The following SUFU variants were observed in gnomAD, a reference collection of about 807,000 sequenced individuals.
The protein encoded by SUFU is suppressor of fused homolog.
In SUFU, 7 loss-of-function variants were observed where a neutral mutation model predicts 58.9. The observed-to-expected ratio is 0.12, with a 90% confidence interval of 0.07 to 0.22. The LOEUF (loss-of-function observed/expected upper bound fraction) is 0.22. Among genes scored for constraint, SUFU ranks in the 10% least tolerant of loss-of-function variants. The pLI is 1.00. For missense variants in SUFU, 451 were observed against 641.3 expected (o/e 0.70, Z 3.20); for synonymous variants, 232 against 254.8 (o/e 0.91, Z 0.85).
At chr10:102,562,772 T>C (rs1342294475) in intron 3 of SUFU, among the ~76,000 whole-genome samples, 1 of 150,880 alleles carries the variant, frequency 6.6e-6, no homozygotes, top group Non-Finnish European at 1.5e-5. Flanking sequence ...ATATCTGTAA[T>C]CCCAGCTACT....
rs1344296806 is a variant in SUFU at position 102,504,304 on chromosome 10, CG to C, written c.153del (p.Leu52SerfsTer44). The C allele has an allele frequency of 6.2e-7, 1 of 1,614,144 alleles. No homozygotes were observed. ...CRRLYPDQPN[P>X]LQVTAIVKYW... ...CGCCTTTACCCTGACCAGCCGAACC[CG>C]CTCCAGGTTACCGCTATCGTCAAGT... On this transcript the variant is annotated frameshift_variant, in exon 1 of 12. Coordinates refer to ENST00000369902, the MANE Select transcript of SUFU (RefSeq NM_016169.4). LOFTEE classifies it high-confidence loss of function.
chr10:102,604,882 A>G (rs2135902972), intron 8 of SUFU, among the ~76,000 whole-genome samples: 1 of 148,382 alleles, frequency 6.7e-6, no homozygotes, highest in African/African-American at 2.5e-5. Context: ...TTTCATGATC[A>G]CATTTTACCT....
intron 3 of SUFU, among the ~76,000 whole-genome samples, chr10:102,565,605 C>T (rs1401633302): frequency 6.6e-6 from 1 of 152,182 alleles, no homozygotes; most frequent in Non-Finnish European, 1.5e-5. Context: ...AGTGCAGTGG[C>T]GCGATCTCGG....
intron 2 of SUFU, among the ~76,000 whole-genome samples, chr10:102,543,916 C>T (rs929937984): frequency 6.6e-6 from 1 of 152,126 alleles, no homozygotes; most frequent in Non-Finnish European, 1.5e-5. Flanking sequence ...TGCCTCTGGT[C>T]ACACAGCCAT....
chr10:102,610,250 A>G (rs1590076776), intron 8 of SUFU, among the ~76,000 whole-genome samples: 1 of 151,832 alleles, frequency 6.6e-6, no homozygotes, highest in African/African-American at 2.4e-5. Context: ...AAAATTAGCC[A>G]GGTGTGGTGG....
intron 6 of SUFU, among the ~76,000 whole-genome samples, chr10:102,595,350 A>G (rs2063450302): frequency 1.3e-5 from 2 of 152,184 alleles, no homozygotes; most frequent in African/African-American, 4.8e-5. Flanking sequence ...TGAACATTTC[A>G]AACTGCTGCC....
intron 4 of SUFU, among the ~76,000 whole-genome samples, chr10:102,593,055 G>C (rs1297965213): frequency 2.0e-5 from 3 of 152,174 alleles, no homozygotes; most frequent in African/African-American, 7.2e-5. Context: ...GGTCGTCCTT[G>C]CTCTTTGCCA....
At chr10:102,592,805 T>G in intron 4 of SUFU, 81 bp downstream of exon 4, 1 of 1,530,742 alleles carries the variant, frequency 6.5e-7, no homozygotes, top group African/African-American at 1.4e-5. Context: ...GGAGGGGGAG[T>G]GAAGGGAGTG....
chr10:102,579,136 T>C (rs1262626926), intron 3 of SUFU, among the ~76,000 whole-genome samples: 1 of 152,196 alleles, frequency 6.6e-6, no homozygotes, highest in African/African-American at 2.4e-5. Flanking sequence ...CAGGTGGGCA[T>C]AGCATATATG....
intron 2 of SUFU, among the ~76,000 whole-genome samples, chr10:102,540,691 T>C (rs952585930): frequency 1.3e-5 from 2 of 150,548 alleles, no homozygotes; most frequent in African/African-American, 2.5e-5. Context: ...ACTATACCCG[T>C]GGCATTCATT....
chr10:102,577,528 A>G (rs984995608), intron 3 of SUFU, among the ~76,000 whole-genome samples: 9 of 152,094 alleles, frequency 5.9e-5, no homozygotes, highest in Non-Finnish European at 1.2e-4. Context: ...TTGCAGAGGC[A>G]GGGTTTTGCC....
At chr10:102,567,751 T>C (rs530605495) in intron 3 of SUFU, among the ~76,000 whole-genome samples, 1 of 152,208 alleles carries the variant, frequency 6.6e-6, no homozygotes, top group East Asian at 1.9e-4. Context: ...GAAACAGCAG[T>C]GGGGGTCCTT....
chr10:102,560,558 G>A (rs983485035), intron 3 of SUFU, among the ~76,000 whole-genome samples: 1 of 152,006 alleles, frequency 6.6e-6, no homozygotes, highest in Non-Finnish European at 1.5e-5. Context: ...ATGGGTGATA[G>A]AGCAAGACTC....
At chr10:102,627,615 C>T (rs1053546278) in intron 11 of SUFU, among the ~76,000 whole-genome samples, 1 of 152,248 alleles carries the variant, frequency 6.6e-6, no homozygotes, top group African/African-American at 2.4e-5. Context: ...CTGAACAGAA[C>T]GCCCATGTCT....
intron 2 of SUFU, among the ~76,000 whole-genome samples, chr10:102,512,412 A>G (rs985263983): frequency 6.6e-6 from 1 of 152,228 alleles, no homozygotes; most frequent in African/African-American, 2.4e-5. Flanking sequence ...ATCATTTCCT[A>G]TGTGGCTTAA....
chr10:102,610,374 C>T (rs1438517182), intron 8 of SUFU, among the ~76,000 whole-genome samples: 9 of 108,948 alleles, frequency 8.3e-5, no homozygotes, highest in Non-Finnish European at 1.2e-4. Context: ...GCCTGGGCGT[C>T]GCAGCAAGAC....
rs182810534 is a variant in SUFU, at chr10:102,541,430, G to A, written c.318-8540G>A. ...TTCTTTTTTTTTGAGATGGAGTCTC[G>A]CTCTGTCACCCAGGCTGGAGTGCAG... On this transcript the variant is annotated intron_variant, in intron 2 of 11. Coordinates refer to ENST00000369902, the MANE Select transcript of SUFU (RefSeq NM_016169.4). 4.8e-5 allele frequency among the ~76,000 whole-genome samples: 7 copies of A among 146,294 alleles called. No homozygotes were observed. In the East Asian group the frequency reaches 6.0e-4, roughly 12 times the overall value.
chr10:102,619,947 C>T lies in SUFU; in HGVS notation c.1296+2519C>T, dbSNP rs2063726065. On this transcript the variant is annotated intron_variant, in intron 10 of 11. Transcript: ENST00000369902. This position sits in a 1 kb window ranked among gnomAD's most constrained non-coding sequence, Gnocchi z 4.2. ...GCCATAGGTCCCTCAGGAGGGGACC[C>T]CAGCACAAAGAGGCCCACCCTTGCT... Among the ~76,000 whole-genome samples, 1 of 152,198 alleles carries T rather than the reference C, an allele frequency of 6.6e-6. No individual in the cohort carries two copies. Among genetic ancestry groups the T allele is most frequent in the South Asian group, 2.1e-4 (1 of 4,830 alleles).
chr10:102,592,756 T>A lies in SUFU; in HGVS notation c.597+32T>A, dbSNP rs375818716. ...CACAGGTTGGACGCTGGCTCAAGCC[T>A]TCCTGTGGGAAGGGTCCTGGGAGGA... On this transcript the variant is annotated intron_variant, in intron 4 of 11. Transcript: ENST00000369902. 138 of 1,612,608 alleles carry A rather than the reference T, an allele frequency of 8.6e-5. No homozygotes were observed. Among genetic ancestry groups the A allele is most frequent in the Non-Finnish European group, 1.1e-4 (134 of 1,179,936 alleles).
Sources: gnomAD v4.1 joint callset for allele counts (sites outside exome capture counted in the v4.1 genomes callset) on GRCh38, gnomAD v4.1.1 for gene constraint, Gnocchi (gnomAD v3.1) non-coding constraint, MANE v1.5 for transcripts, NCBI Gene and HGNC (gene_info 2026-07-23, HGNC 2026-07-21) for gene names.